DIS3L2: variants seen among roughly 807,000 people sequenced by gnomAD.
The protein encoded by DIS3L2 is DIS3-like exonuclease 2.
In DIS3L2, 34 loss-of-function variants were observed where a neutral mutation model predicts 97.5. The ratio of observed to expected loss-of-function variants is 0.35; its 90% CI spans 0.27 to 0.46. The LOEUF (loss-of-function observed/expected upper bound fraction) is 0.46, where lower values mean the gene tolerates loss of function less well. Ranked by LOEUF, DIS3L2 falls within the 20% of genes least tolerant of loss-of-function variation. The pLI is 1.00. For missense variants in DIS3L2, 1,038 were observed against 1,146.0 expected (o/e 0.91, Z 1.36); for synonymous variants, 435 against 445.2 (o/e 0.98, Z 0.29).
At chr2:232,267,989 T>C (rs1693894459) in intron 13 of DIS3L2, among the ~76,000 whole-genome samples, 1 of 152,204 alleles carries the variant, frequency 6.6e-6, no homozygotes, top group Admixed American at 6.5e-5. Context: ...CTGCTGGGGT[T>C]CTCTCTCTAG....
At chr2:232,334,052 G>A in intron 17 of DIS3L2, 65 bp downstream of exon 17, 2 of 1,545,210 alleles carry the variant, frequency 1.3e-6, no homozygotes, top group East Asian at 2.3e-5. Flanking sequence ...CCCCACAGTG[G>A]GTGCTCAGTG....
chr2:232,320,669 T>C (rs1427139016), intron 14 of DIS3L2, among the ~76,000 whole-genome samples: 2 of 152,352 alleles, frequency 1.3e-5, no homozygotes, highest in Non-Finnish European at 2.9e-5. Flanking sequence ...ACTAGGGGGC[T>C]GTGCTTCCAC....
chr2:231,966,569 A>G (rs1307703747), intron 1 of DIS3L2, among the ~76,000 whole-genome samples: 1 of 147,478 alleles, frequency 6.8e-6, no homozygotes, highest in East Asian at 2.0e-4. Context: ...GGCTCGAGTG[A>G]TCTTCCCACC....
chr2:232,145,038 T>C (rs1690181341), intron 8 of DIS3L2, among the ~76,000 whole-genome samples: 3 of 152,220 alleles, frequency 2.0e-5, no homozygotes, highest in Admixed American at 1.3e-4. Context: ...CTTGTAATTA[T>C]TATACTGTAT....
At chr2:232,329,785 T>TGCCGGTGG in intron 14 of DIS3L2, 28 bp from the exon 15 acceptor site, 2 of 967,144 alleles carry the variant, frequency 2.1e-6, no homozygotes, top group Non-Finnish European at 2.9e-6. Context: ...ACCCCAGCGG[T>TGCCGGTGG]CCCTCCCATC....
intron 5 of DIS3L2, among the ~76,000 whole-genome samples, chr2:232,058,711 C>A (rs932307866): frequency 2.6e-5 from 4 of 152,128 alleles, no homozygotes; most frequent in African/African-American, 9.7e-5. Context: ...CCCTACTTTT[C>A]CCAGTGTGCA....
intron 6 of DIS3L2, among the ~76,000 whole-genome samples, chr2:232,106,116 G>T (rs771389578): frequency 8.6e-5 from 13 of 152,028 alleles, no homozygotes; most frequent in Non-Finnish European, 1.9e-4. Context: ...ATCCCACTCT[G>T]TGTTACTTTC....
intron 13 of DIS3L2, among the ~76,000 whole-genome samples, chr2:232,265,081 G>A (rs1693819146): frequency 6.6e-6 from 1 of 152,190 alleles, no homozygotes; most frequent in Non-Finnish European, 1.5e-5. Flanking sequence ...ATGGGAGTGT[G>A]AACACACTCT....
At chr2:232,116,603 A>G (rs1422011308) in intron 6 of DIS3L2, among the ~76,000 whole-genome samples, 1 of 152,184 alleles carries the variant, frequency 6.6e-6, no homozygotes, top group African/African-American at 2.4e-5. Flanking sequence ...ACTTGGAGTA[A>G]TGATGGTTAT....
chr2:232,285,046 C>T (rs781571964), intron 13 of DIS3L2, among the ~76,000 whole-genome samples: 1 of 152,142 alleles, frequency 6.6e-6, no homozygotes, highest in Non-Finnish European at 1.5e-5. Context: ...CTATAAGGGT[C>T]CCCAACCCAT....
chr2:232,091,286 A>G (rs1408266347), intron 6 of DIS3L2, among the ~76,000 whole-genome samples: 2 of 152,030 alleles, frequency 1.3e-5, no homozygotes, highest in Non-Finnish European at 2.9e-5. Context: ...CCCATTAACC[A>G]TTGCCACTTC....
chr2:232,263,579 G>A, intron 13 of DIS3L2, 139 bp downstream of exon 13: 6 of 805,320 alleles, frequency 7.5e-6, no homozygotes, highest in Non-Finnish European at 1.0e-5. Context: ...TGTTCTCTGA[G>A]GCCGGCAGGA....
intron 13 of DIS3L2, among the ~76,000 whole-genome samples, chr2:232,342,429 G>C (rs905510364): frequency 6.6e-6 from 1 of 152,060 alleles, no homozygotes; most frequent in South Asian, 2.1e-4. Flanking sequence ...ATGCAAGGAG[G>C]GAGACGGAAC....
chr2:232,283,791 G>A (rs1694357782), intron 13 of DIS3L2, among the ~76,000 whole-genome samples: 2 of 152,186 alleles, frequency 1.3e-5, no homozygotes, highest in South Asian at 4.2e-4. Flanking sequence ...GATGGCGGGG[G>A]GAGCAGAGGG....
intron 16 of DIS3L2, 78 bp from the exon 17 acceptor site, chr2:232,333,762 G>GTAAT: frequency 6.9e-7 from 1 of 1,452,762 alleles, no homozygotes; most frequent in Non-Finnish European, 9.1e-7. Flanking sequence ...CGACGGTGAG[G>GTAAT]CTGTGGGTGG....
At chr2:232,264,282 C>T (rs1693797982) in intron 13 of DIS3L2, among the ~76,000 whole-genome samples, 1 of 152,204 alleles carries the variant, frequency 6.6e-6, no homozygotes, top group African/African-American at 2.4e-5. Flanking sequence ...ACCAGTATGG[C>T]CCATGGCCCG....
chr2:232,005,628 A>T (rs1327052300), intron 1 of DIS3L2, among the ~76,000 whole-genome samples: 1 of 151,588 alleles, frequency 6.6e-6, no homozygotes, highest in Non-Finnish European at 1.5e-5. Flanking sequence ...CCAGATTCCT[A>T]CTCCTCCCAA....
chr2:232,015,371 T>C, intron 2 of DIS3L2, 143 bp from the exon 3 acceptor site: 1 of 1,133,764 alleles, frequency 8.8e-7, no homozygotes, highest in Non-Finnish European at 1.2e-6. Flanking sequence ...CTTTCCTTTT[T>C]GTTATTGTTA....
At chr2:232,023,003 C>T (rs1229007287) in intron 3 of DIS3L2, 1 of 152,156 alleles carries the variant, frequency 6.6e-6, no homozygotes, top group African/African-American at 2.4e-5. Flanking sequence ...GCCCTCTTAA[C>T]CACTTTTGCT....
Sources: allele counts gnomAD v4.1 joint callset (sites outside exome capture counted in the v4.1 genomes callset), GRCh38; gene constraint gnomAD v4.1.1; transcripts MANE v1.5; gene names NCBI Gene and HGNC (gene_info 2026-07-23, HGNC 2026-07-21).